LUZP2: variants seen among roughly 807,000 people sequenced by gnomAD.
The protein encoded by LUZP2 is leucine zipper protein 2.
A neutral mutation model predicts 51.6 loss-of-function variants in LUZP2; 52 were observed. The observed-to-expected ratio is 1.01, with a 90% CI of 0.81 to 1.27. The LOEUF is 1.27. Among genes scored for constraint, LUZP2 ranks in the 50% most tolerant of loss-of-function variants. LUZP2 has a pLI of 0.00. For synonymous variants in LUZP2, 154 were observed against 137.3 expected (o/e 1.12, Z -0.85); for missense variants, 436 against 395.4 (o/e 1.10, Z -0.87).
At chr11:24,613,935 A>AC (rs1019664928) in intron 1 of LUZP2, among the ~76,000 whole-genome samples, 2 of 152,002 alleles carry the variant, frequency 1.3e-5, no homozygotes, top group African/African-American at 4.8e-5. Flanking sequence ...AGGTGATCCT[A>AC]ATCTACTAGG....
At chr11:24,598,817 C>T (rs1230162170) in intron 1 of LUZP2, among the ~76,000 whole-genome samples, 1 of 152,124 alleles carries the variant, frequency 6.6e-6, no homozygotes, top group Non-Finnish European at 1.5e-5. Context: ...GATGTCTTTG[C>T]TTCCAGAAAA....
chr11:24,523,273 G>A (rs920407305), intron 1 of LUZP2, among the ~76,000 whole-genome samples: 12 of 151,760 alleles, frequency 7.9e-5, no homozygotes, highest in African/African-American at 2.9e-4. Context: ...GGGGCACAAA[G>A]AAGTAGCTTA....
At chr11:24,533,549 G>A (rs780328589) in intron 1 of LUZP2, among the ~76,000 whole-genome samples, 14 of 151,282 alleles carry the variant, frequency 9.3e-5, no homozygotes, top group Middle Eastern at 3.4e-3. Flanking sequence ...ACTTTCAAAA[G>A]AATATGCTTG....
intron 9 of LUZP2, among the ~76,000 whole-genome samples, chr11:24,990,067 C>A (rs969977572): frequency 1.3e-5 from 2 of 152,046 alleles, no homozygotes; most frequent in African/African-American, 4.8e-5. Flanking sequence ...TATATGGGGT[C>A]TATGCCCCCT....
intron 9 of LUZP2, among the ~76,000 whole-genome samples, chr11:25,024,467 A>G (rs1415232011): frequency 6.6e-6 from 1 of 152,172 alleles, no homozygotes; most frequent in South Asian, 2.1e-4. Flanking sequence ...TACAAAATCA[A>G]TGTGCAAAAA....
At chr11:24,698,795 C>T (rs1181167867) in intron 1 of LUZP2, among the ~76,000 whole-genome samples, 1 of 152,138 alleles carries the variant, frequency 6.6e-6, no homozygotes, top group Non-Finnish European at 1.5e-5. Context: ...CAGGCTCACA[C>T]TTGTAATCCT....
intron 1 of LUZP2, among the ~76,000 whole-genome samples, chr11:24,505,953 TATTA>T (rs59406909): frequency 0.1 from 15,934 of 152,114 alleles, 909 homozygotes; most frequent in African/African-American, 0.16. Flanking sequence ...TATATTTCCA[TATTA>T]ATTATTTTAA....
intron 1 of LUZP2, among the ~76,000 whole-genome samples, chr11:24,505,703 G>A (rs945839870): frequency 1.3e-5 from 2 of 151,956 alleles, no homozygotes; most frequent in Non-Finnish European, 1.5e-5. Context: ...CAAATAAAAT[G>A]GTATTTTTCC....
chr11:24,748,381 T>C (rs1392143538), intron 4 of LUZP2, among the ~76,000 whole-genome samples: 1 of 152,110 alleles, frequency 6.6e-6, no homozygotes, highest in Non-Finnish European at 1.5e-5. Context: ...ACGGTTTGGG[T>C]ACTCACAGTA....
At chr11:24,891,376 A>G in intron 5 of LUZP2, 1 of 936,158 alleles carries the variant, frequency 1.1e-6, no homozygotes, top group Non-Finnish European at 1.3e-6. Flanking sequence ...ACACATATAT[A>G]CACTATGTTA....
chr11:24,557,955 C>G (rs1851919430), intron 1 of LUZP2, among the ~76,000 whole-genome samples: 1 of 152,048 alleles, frequency 6.6e-6, no homozygotes, highest in African/African-American at 2.4e-5. Flanking sequence ...CCATGTGTGT[C>G]TGTGAGGGTG....
intron 10 of LUZP2, among the ~76,000 whole-genome samples, chr11:25,054,994 A>C (rs1590881519): frequency 7.7e-6 from 1 of 130,236 alleles, no homozygotes. Context: ...CCATTTTCTT[A>C]AATCTTTTTT....
intron 1 of LUZP2, among the ~76,000 whole-genome samples, chr11:24,559,200 A>C (rs1035817182): frequency 1.3e-5 from 2 of 152,190 alleles, no homozygotes; most frequent in Non-Finnish European, 2.9e-5. Flanking sequence ...AATAGAAATA[A>C]AAAATAAGAA....
intron 1 of LUZP2, among the ~76,000 whole-genome samples, chr11:24,659,342 A>G (rs933413015): frequency 5.3e-5 from 8 of 152,270 alleles, no homozygotes; most frequent in African/African-American, 1.7e-4. Context: ...AACACCGCAT[A>G]TTCTCACTCA....
chr11:24,789,609 G>T (rs968934226), intron 5 of LUZP2, among the ~76,000 whole-genome samples: 2 of 152,112 alleles, frequency 1.3e-5, no homozygotes, highest in Non-Finnish European at 2.9e-5. Context: ...TATTCAGGCT[G>T]CCATAACAAA....
chr11:24,626,979 C>A (rs922754265), intron 1 of LUZP2, among the ~76,000 whole-genome samples: 1 of 151,520 alleles, frequency 6.6e-6, no homozygotes, highest in Non-Finnish European at 1.5e-5. Context: ...CAACTCTAAT[C>A]GACAGGGCAA....
intron 1 of LUZP2, among the ~76,000 whole-genome samples, chr11:24,549,978 A>G (rs974279749): frequency 1.3e-5 from 2 of 152,064 alleles, no homozygotes; most frequent in Non-Finnish European, 2.9e-5. Context: ...TTGTTAGTAC[A>G]TATCAACAGG....
chr11:25,003,072 C>T (rs992969710), intron 9 of LUZP2, among the ~76,000 whole-genome samples: 4 of 152,182 alleles, frequency 2.6e-5, no homozygotes, highest in South Asian at 2.1e-4. Context: ...AGATATTTGA[C>T]CTGCTGTAGG....
chr11:25,050,923 A>G (rs1257345988), intron 10 of LUZP2, among the ~76,000 whole-genome samples: 1 of 152,202 alleles, frequency 6.6e-6, no homozygotes. Context: ...TTCACTCTTT[A>G]AAAGTGCAAT....
Sources: allele counts gnomAD v4.1 joint callset (sites outside exome capture counted in the v4.1 genomes callset), GRCh38; gene constraint gnomAD v4.1.1; transcripts MANE v1.5; gene names NCBI Gene and HGNC (gene_info 2026-07-23, HGNC 2026-07-21).